The following ELF2 variants were observed in gnomAD, a reference collection of about 807,000 sequenced individuals.
ELF2 encodes the protein E74 like ETS transcription factor 2, also known as ETS-related transcription factor Elf-2.
Under a neutral mutation model 54.8 loss-of-function variants are expected in ELF2, and 11 were observed. The observed-to-expected ratio is 0.20, with a 90% confidence interval of 0.13 to 0.33. The LOEUF (loss-of-function observed/expected upper bound fraction) is 0.33. ELF2 is among the 10% of genes least tolerant of loss of function. ELF2 has a pLI of 1.00. For missense variants in ELF2, 513 were observed against 703.0 expected, an observed-to-expected ratio of 0.73 and a Z score of 3.06; for synonymous variants, 203 against 245.1, an observed-to-expected ratio of 0.83 and a Z score of 1.61.
intron 4 of ELF2, among the ~76,000 whole-genome samples, chr4:139,114,161 TAG>T (rs751015593): frequency 1.3e-5 from 2 of 152,226 alleles, no homozygotes; most frequent in African/African-American, 4.8e-5. Flanking sequence ...CATATTAAAA[TAG>T]ATTTTCTTTT....
intron 4 of ELF2, among the ~76,000 whole-genome samples, chr4:139,122,606 A>T (rs1183193853): frequency 6.6e-6 from 1 of 152,040 alleles, no homozygotes; most frequent in Non-Finnish European, 1.5e-5. Flanking sequence ...AGTTCAAGCG[A>T]GTCTCCTGCC....
rs766133530 is a variant in ELF2 at position 139,066,808 on chromosome 4, G to T, written c.613+876C>A. ...CTTGGGAGGCTACAAGCACAGTAGC[G>T]CAAGGCTGCAGTGAGGTATGGTCAT... On this transcript the variant is annotated intron_variant, in intron 7 of 9. Coordinates refer to ENST00000686138, the MANE Select transcript of ELF2 (RefSeq NM_001331036.3). 2.0e-5 allele frequency: 3 copies of T among 151,782 alleles called. No homozygotes were observed. In the South Asian group the frequency reaches 6.2e-4, roughly 32 times the overall value. The allele number at this position is 151,782 out of a possible 1,614,324, so 9.4% of individuals were successfully genotyped here.
intron 1 of ELF2, among the ~76,000 whole-genome samples, chr4:139,142,921 C>T (rs1458742784): frequency 6.6e-6 from 1 of 151,582 alleles, no homozygotes; most frequent in Non-Finnish European, 1.5e-5. Context: ...AAAAGGATGA[C>T]ATTTGCAAGC....
At chr4:139,114,341 C>A (rs1393735383) in intron 4 of ELF2, among the ~76,000 whole-genome samples, 1 of 152,070 alleles carries the variant, frequency 6.6e-6, no homozygotes, top group African/African-American at 2.4e-5. Flanking sequence ...GAGGCCAAGG[C>A]AGGCAGATCA....
At chr4:139,080,850 C>A (rs1269875483) in intron 4 of ELF2, among the ~76,000 whole-genome samples, 2 of 151,116 alleles carry the variant, frequency 1.3e-5, no homozygotes, top group Non-Finnish European at 2.9e-5. Context: ...CAATTTGGCA[C>A]ACATTTTTAT....
intron 7 of ELF2, 105 bp downstream of exon 7, chr4:139,067,579 A>G (rs949986635): frequency 2.6e-6 from 3 of 1,164,706 alleles, no homozygotes; most frequent in Non-Finnish European, 3.8e-6. Context: ...CAGCGACAGT[A>G]TTCTCATATG....
At chr4:139,116,090 T>C (rs150551865) in intron 4 of ELF2, among the ~76,000 whole-genome samples, 1 of 152,200 alleles carries the variant, frequency 6.6e-6, no homozygotes, top group African/African-American at 2.4e-5. Context: ...CTTCCCAAAG[T>C]GCTGGGATTA....
At chr4:139,117,820 GGC>G (rs1735898160) in intron 4 of ELF2, 1 of 153,434 alleles carries the variant, frequency 6.5e-6, no homozygotes, top group African/African-American at 2.4e-5. Flanking sequence ...TGGGCATAGT[GGC>G]ACACACCTGT....
Position 139,067,756 on chromosome 4 carries a change from T to G in ELF2, c.541A>C (p.Lys181Gln). The change falls in exon 7 of 10, where the codon AAG becomes CAG. Residue 181 changes from lysine to glutamine, a missense_variant. Lys to Gln is a moderately conservative substitution (Grantham distance 53, BLOSUM62 1). Around this residue, in one of 3 missense-constraint regions of ELF2, gnomAD observed 203 missense variants for 245.9 expected, o/e 0.83. Coordinates refer to ENST00000686138, the MANE Select transcript of ELF2 (RefSeq NM_001331036.3). ...MKKKKVGRKP[K>Q]TQQSPISNGS... ...TTGGAAATTGGTGATTGCTGGGTCT[T>G]TGGTTTACGGCCAACTGAAAAAATA... 1 of 1,596,364 alleles carries G rather than the reference T, an allele frequency of 6.3e-7. No individual in the cohort carries two copies. Among genetic ancestry groups the G allele is most frequent in the Non-Finnish European group, 8.6e-7 (1 of 1,167,910 alleles).
At chr4:139,112,714 T>C (rs1292645830) in intron 4 of ELF2, among the ~76,000 whole-genome samples, 4 of 152,158 alleles carry the variant, frequency 2.6e-5, no homozygotes, top group Admixed American at 6.5e-5. Flanking sequence ...TTTTTTTTAA[T>C]TTTTTTAGTA....
At chr4:139,070,068 C>G (rs935261646) in intron 6 of ELF2, among the ~76,000 whole-genome samples, 3 of 151,950 alleles carry the variant, frequency 2.0e-5, no homozygotes, top group African/African-American at 7.3e-5. Flanking sequence ...GTCTTGAACT[C>G]CTGAGCTCAA....
intron 4 of ELF2, among the ~76,000 whole-genome samples, chr4:139,079,548 A>G (rs572563173): frequency 1.3e-5 from 2 of 152,362 alleles, no homozygotes; most frequent in South Asian, 4.1e-4. Context: ...AATTAATAAC[A>G]ACCAAATTCT....
chr4:139,156,391 G>C (rs1436370881), intron 1 of ELF2, among the ~76,000 whole-genome samples: 1 of 152,090 alleles, frequency 6.6e-6, no homozygotes, highest in African/African-American at 2.4e-5. Flanking sequence ...GTGTTAGCCA[G>C]GATGGTCTCA....
chr4:139,140,631 G>C (rs1239418229), intron 1 of ELF2, among the ~76,000 whole-genome samples: 1 of 151,918 alleles, frequency 6.6e-6, no homozygotes, highest in African/African-American at 2.4e-5. Context: ...GTGCAAACCT[G>C]TAGTCCCAGC....
intron 1 of ELF2, among the ~76,000 whole-genome samples, chr4:139,165,756 G>C (rs571978706): frequency 6.6e-6 from 1 of 152,316 alleles, no homozygotes; most frequent in Non-Finnish European, 1.5e-5. Context: ...TTCTGAAACA[G>C]AGACACTGAA....
intron 1 of ELF2, among the ~76,000 whole-genome samples, chr4:139,151,638 T>C (rs1740010726): frequency 6.6e-6 from 1 of 152,210 alleles, no homozygotes; most frequent in Non-Finnish European, 1.5e-5. Flanking sequence ...ATTTGTGTCA[T>C]GAATCAAGGA....
chr4:139,138,165 T>C (rs1333763181), intron 2 of ELF2, among the ~76,000 whole-genome samples: 1 of 152,192 alleles, frequency 6.6e-6, no homozygotes, highest in Non-Finnish European at 1.5e-5. Context: ...CGCCTGTATA[T>C]TCCAGCACTT....
chr4:139,083,621 G>C (rs189547084), intron 4 of ELF2, among the ~76,000 whole-genome samples: 1 of 152,132 alleles, frequency 6.6e-6, no homozygotes, highest in Non-Finnish European at 1.5e-5. Flanking sequence ...GGAAGTCATG[G>C]AATTGTGGAC....
At chr4:139,133,970 A>G (rs1294524334) in intron 3 of ELF2, among the ~76,000 whole-genome samples, 1 of 152,188 alleles carries the variant, frequency 6.6e-6, no homozygotes, top group Non-Finnish European at 1.5e-5. Context: ...CTACTTCTCA[A>G]ACGTGTGAGT....
Sources: allele counts gnomAD v4.1 joint callset (sites outside exome capture counted in the v4.1 genomes callset), GRCh38; gene constraint gnomAD v4.1.1; regional missense constraint gnomAD v4.1.1; transcripts MANE v1.5; gene names NCBI Gene and HGNC (gene_info 2026-07-23, HGNC 2026-07-21).